SLC8A1: variants seen among roughly 807,000 people sequenced by gnomAD.
SLC8A1 encodes solute carrier family 8 member A1.
Under a neutral mutation model 68.3 loss-of-function variants are expected in SLC8A1, and 18 were observed. The ratio of observed to expected loss-of-function variants is 0.26; its 90% CI spans 0.18 to 0.39. The LOEUF is 0.39. Ranked by LOEUF, SLC8A1 falls within the 10% of genes least tolerant of loss-of-function variation. The probability of loss-of-function intolerance (pLI) is 1.00; values close to 1 mark genes in which losing one functional copy is unlikely to be tolerated. For synonymous variants in SLC8A1, 475 were observed against 415.5 expected, an observed-to-expected ratio of 1.14 and a Z score of -1.74; for missense variants, 985 against 1,156.7, an observed-to-expected ratio of 0.85 and a Z score of 2.15.
intron 2 of SLC8A1, among the ~76,000 whole-genome samples, chr2:40,308,241 A>C (rs1455273079): frequency 6.6e-6 from 1 of 152,122 alleles, no homozygotes; most frequent in Non-Finnish European, 1.5e-5. Flanking sequence ...ATTATGAATA[A>C]AAAACCTTGA....
chr2:40,139,676 C>G (rs2041187023), exon 7 of SLC8A1: 4 of 1,612,278 alleles, frequency 2.5e-6, no homozygotes, highest in Non-Finnish European at 3.4e-6. Context: ...ATCATCTTCC[C>G]CTAGAGAGAA....
chr2:40,214,340 AC>A (rs1457651341), intron 2 of SLC8A1, among the ~76,000 whole-genome samples: 4 of 151,382 alleles, frequency 2.6e-5, no homozygotes, highest in Non-Finnish European at 4.4e-5. Flanking sequence ...GTTGCCCTCA[AC>A]CCCGCAACTC....
intron 2 of SLC8A1, among the ~76,000 whole-genome samples, chr2:40,211,111 G>A (rs2056506423): frequency 6.6e-6 from 1 of 152,168 alleles, no homozygotes; most frequent in Non-Finnish European, 1.5e-5. Flanking sequence ...GCTGCCATTG[G>A]CTGAGGACCC....
At chr2:40,376,953 G>T (rs1163497222) in intron 2 of SLC8A1, among the ~76,000 whole-genome samples, 1 of 151,914 alleles carries the variant, frequency 6.6e-6, no homozygotes, top group Admixed American at 6.6e-5. Context: ...CCATGACCAG[G>T]TATATAATTC....
At chr2:40,208,885 G>T (rs1460636950) in intron 2 of SLC8A1, 4 of 152,122 alleles carry the variant, frequency 2.6e-5, no homozygotes, top group Admixed American at 6.6e-5. Flanking sequence ...CAAGGGAAAA[G>T]AATCCAAGAA....
chr2:40,227,386 A>G (rs924659992), intron 2 of SLC8A1, among the ~76,000 whole-genome samples: 1 of 152,000 alleles, frequency 6.6e-6, no homozygotes, highest in African/African-American at 2.4e-5. Context: ...TACCCTAGTC[A>G]TAGCATATGC....
chr2:40,386,245 T>C (rs934385179), intron 2 of SLC8A1, among the ~76,000 whole-genome samples: 2 of 151,390 alleles, frequency 1.3e-5, no homozygotes, highest in Non-Finnish European at 2.9e-5. Context: ...CAGCTGGAGA[T>C]AATTTATATT....
chr2:40,454,752 A>G (rs1434057202), upstream of SLC8A1, among the ~76,000 whole-genome samples: 1 of 152,086 alleles, frequency 6.6e-6, no homozygotes, highest in Non-Finnish European at 1.5e-5. Context: ...TAATGGTTCC[A>G]GGGCCCCAAG....
At chr2:40,396,338 C>T (rs1432484074) in intron 2 of SLC8A1, among the ~76,000 whole-genome samples, 5 of 152,124 alleles carry the variant, frequency 3.3e-5, no homozygotes, top group Non-Finnish European at 5.9e-5. Context: ...TGCTCAACTA[C>T]TCAACCATGA....
intron 2 of SLC8A1, among the ~76,000 whole-genome samples, chr2:40,352,947 T>A (rs1575623689): frequency 6.6e-6 from 1 of 151,630 alleles, no homozygotes; most frequent in African/African-American, 2.4e-5. Flanking sequence ...CCAGGGAGGG[T>A]TTTAAAAGCT....
intron 2 of SLC8A1, among the ~76,000 whole-genome samples, chr2:40,381,245 C>T (rs1253872952): frequency 6.6e-6 from 1 of 152,010 alleles, no homozygotes; most frequent in Non-Finnish European, 1.5e-5. Context: ...ACTGTCACCT[C>T]TTCCAGGGAG....
intron 2 of SLC8A1, among the ~76,000 whole-genome samples, chr2:40,257,615 T>A (rs2064126035): frequency 6.6e-6 from 1 of 152,208 alleles, no homozygotes; most frequent in South Asian, 2.1e-4. Flanking sequence ...TGTGACAATC[T>A]AGTCTTTACT....
intron 2 of SLC8A1, among the ~76,000 whole-genome samples, chr2:40,423,856 C>T (rs1021655467): frequency 6.6e-6 from 1 of 151,888 alleles, no homozygotes; most frequent in African/African-American, 2.4e-5. Context: ...TTTATAAAAA[C>T]ATCTTTTAGT....
intron 2 of SLC8A1, among the ~76,000 whole-genome samples, chr2:40,263,758 C>G (rs545867051): frequency 6.6e-6 from 1 of 152,192 alleles, no homozygotes; most frequent in South Asian, 2.1e-4. Flanking sequence ...AGGAGAAAAC[C>G]TAGGCAATAC....
chr2:40,403,465 G>A (rs1382349977), intron 2 of SLC8A1, among the ~76,000 whole-genome samples: 4 of 152,096 alleles, frequency 2.6e-5, no homozygotes, highest in Non-Finnish European at 5.9e-5. Flanking sequence ...ATGTCTTTAT[G>A]CGTACCAAAA....
exon 8 of SLC8A1, chr2:40,105,565 G>A (rs1255486248): frequency 6.6e-6 from 1 of 152,172 alleles, no homozygotes; most frequent in East Asian, 1.9e-4. Context: ...AAGGATGCAA[G>A]TGTAGACACC....
upstream of SLC8A1, among the ~76,000 whole-genome samples, chr2:40,455,705 T>C (rs991576130): frequency 2.1e-4 from 32 of 152,360 alleles, no homozygotes; most frequent in Middle Eastern, 3.4e-3. Flanking sequence ...GCTTTGGGGA[T>C]GACTTTGAGA....
chr2:40,273,958 C>T (rs975915761), intron 2 of SLC8A1, among the ~76,000 whole-genome samples: 1 of 150,810 alleles, frequency 6.6e-6, no homozygotes, highest in Non-Finnish European at 1.5e-5. Flanking sequence ...GGGGCTCTGT[C>T]CCCCAAGGCT....
intron 1 of SLC8A1, among the ~76,000 whole-genome samples, chr2:40,490,485 T>A (rs183141516): frequency 6.6e-6 from 1 of 152,108 alleles, no homozygotes; most frequent in Admixed American, 6.6e-5. Context: ...AACTTAAGAC[T>A]GATAAGAACC....
Sources: allele counts gnomAD v4.1 joint callset (sites outside exome capture counted in the v4.1 genomes callset), GRCh38; gene constraint gnomAD v4.1.1; transcripts MANE v1.5; gene names NCBI Gene and HGNC (gene_info 2026-07-23, HGNC 2026-07-21).